The following COX11 variants were observed in gnomAD, a reference collection of about 807,000 sequenced individuals.
The protein encoded by COX11 is cytochrome c oxidase assembly protein COX11, mitochondrial.
In COX11, 18 loss-of-function variants were observed where a neutral mutation model predicts 29.4. The ratio of observed to expected loss-of-function variants is 0.61; its 90% confidence interval spans 0.42 to 0.91. The LOEUF (loss-of-function observed/expected upper bound fraction) is 0.91, where lower values mean the gene tolerates loss of function less well. Ranked by LOEUF, COX11 falls within the 40% of genes least tolerant of loss-of-function variation. COX11 has a pLI of 0.00. For synonymous variants in COX11, 131 were observed against 124.0 expected, an observed-to-expected ratio of 1.06 and a Z score of -0.38; for missense variants, 312 against 346.0, an observed-to-expected ratio of 0.90 and a Z score of 0.78.
rs2077098843 is a variant in COX11, at chr17:54,960,699, T to C, written c.*2034A>G. Reference sequence around the variant, plus strand: ...TCAGTATAATTATCACTTTACATATTTAGTATTTAAATTTTCTAAGGGCCA... The same window carrying C: ...TCAGTATAATTATCACTTTACATATCTAGTATTTAAATTTTCTAAGGGCCA... On this transcript the variant is annotated 3_prime_UTR_variant, in exon 4 of 4. Transcript: ENST00000299335. 2.4e-6 allele frequency: 3 copies of C among 1,229,282 alleles called. No individual in the cohort carries two copies. Among genetic ancestry groups the C allele is most frequent in the Admixed American group, 1.8e-5 (1 of 56,964 alleles). 76.1% of individuals were successfully genotyped at this position (1,229,282 alleles called of 1,614,324 possible). A position where few individuals can be genotyped will look rare whatever the true frequency, so the allele number is the denominator to read the frequency against.
Position 54,964,818 on chromosome 17 carries a change from T to G in COX11, c.401A>C (p.His134Pro). The change falls in exon 2 of 4, where the codon CAT becomes CCT. Residue 134 changes from histidine (H) to proline (P), a missense_variant. His to Pro is a moderately conservative substitution (Grantham distance 77, BLOSUM62 -2). This residue lies in a region of COX11 where 182 missense variants were observed against 240.0 expected (regional missense o/e 0.76). Transcript: ENST00000299335. Reference sequence around the variant, plus strand: ...CATGTTTTCAATCTTGTCTGAGGCATGACCTGCAACTGCTGATCCTCCAAG... The same window carrying G: ...CATGTTTTCAATCTTGTCTGAGGCAGGACCTGCAACTGCTGATCCTCCAAG... ...TGLGGSAVAG[H>P]ASDKIENMVP... The G allele has an allele frequency of 6.2e-7, 1 of 1,613,316 alleles. No homozygotes were observed. The highest frequency in any genetic ancestry group is 8.5e-7 in the Non-Finnish European group (1 of 1,179,972).
chr17:54,967,277 T>C (rs2077251278), intron 1 of COX11, among the ~76,000 whole-genome samples: 1 of 152,170 alleles, frequency 6.6e-6, no homozygotes, highest in South Asian at 2.1e-4. Context: ...ACAATGAATT[T>C]TGGGAGCCAC....
At chr17:54,964,112 TCA>T (rs1388240210) in intron 2 of COX11, among the ~76,000 whole-genome samples, 1 of 152,256 alleles carries the variant, frequency 6.6e-6, no homozygotes, top group Non-Finnish European at 1.5e-5. Context: ...TGAAATTAAC[TCA>T]CTCTGGCTAA....
chr17:54,960,666 A>G lies in COX11; in HGVS notation c.*2067T>C. On this transcript the variant is annotated 3_prime_UTR_variant, in exon 4 of 4. Coordinates refer to ENST00000299335, the MANE Select transcript of COX11 (RefSeq NM_004375.5). ...CTTATACAACTTAATTCCATATTCC[A>G]TATAATTTCAGTATAATTATCACTT... The G allele has an allele frequency of 7.0e-7, 1 of 1,436,950 alleles. No homozygotes were observed. The highest frequency in any genetic ancestry group is 1.1e-5 in the South Asian group (1 of 87,226). 89.0% of individuals were successfully genotyped at this position (1,436,950 alleles called of 1,614,324 possible). A position where few individuals can be genotyped will look rare whatever the true frequency, so the allele number is the denominator to read the frequency against.
At chr17:54,968,719 C>T, upstream of COX11, 1 of 1,520,470 alleles carries the variant, frequency 6.6e-7, no homozygotes, top group Non-Finnish European at 8.8e-7. Flanking sequence ...CTCCGTCTCG[C>T]GAGATCTGGG....
In COX11 at chr17:54,964,729, A is replaced by T; in HGVS notation, c.490T>A (p.Trp164Arg). The change falls in exon 2 of 4, where the codon TGG becomes AGG. Residue 164 changes from tryptophan to arginine, a missense_variant. Physicochemically the swap from Trp to Arg is moderately radical, Grantham distance 101. Around this residue, in one of 2 missense-constraint regions of COX11, gnomAD observed 182 missense variants for 240.0 expected, o/e 0.76. Transcript: ENST00000299335. ...FNADVHASLQ[W>R]NFRPQQTEIY... ...TCTGTTTGCTGAGGTCTAAAGTTCC[A>T]CTGGAGACTTGCATGCACATCTGCA... The T allele has an allele frequency of 6.2e-7, 1 of 1,614,054 alleles. No homozygotes were observed.
At chr17:54,964,275 TAGA>T (rs1172501051) in intron 2 of COX11, among the ~76,000 whole-genome samples, 1 of 152,186 alleles carries the variant, frequency 6.6e-6, no homozygotes, top group African/African-American at 2.4e-5. Context: ...TGTTTTCTTT[TAGA>T]AGGACAGGGA....
downstream of COX11, chr17:54,958,434 T>C (rs2077007118): frequency 6.6e-6 from 1 of 152,138 alleles, no homozygotes; most frequent in Non-Finnish European, 1.5e-5. Context: ...GAAGCAGTGA[T>C]GAAAACAGGT....
downstream of COX11, among the ~76,000 whole-genome samples, chr17:54,956,469 C>T (rs1294264144): frequency 6.6e-6 from 1 of 152,032 alleles, no homozygotes; most frequent in Non-Finnish European, 1.5e-5. Flanking sequence ...CCACGCCTGG[C>T]TAATTTTTTT....
At chr17:54,963,023 A>C in intron 3 of COX11, 108 bp from the exon 4 acceptor site, 1 of 966,144 alleles carries the variant, frequency 1.0e-6, no homozygotes, top group Admixed American at 2.7e-5. Flanking sequence ...GATTTTAATA[A>C]GCATACTATT....
chr17:54,961,337 G>A lies in COX11; in HGVS notation c.*1396C>T, dbSNP rs1211401496. On this transcript the variant is annotated 3_prime_UTR_variant, in exon 4 of 4. Transcript: ENST00000299335. ...CCTGGAAGACAATACCTACCAACATGTCAAAGCCATGGTGGCACATTTCTG... is the reference window on the plus strand; with the variant it reads ...CCTGGAAGACAATACCTACCAACATATCAAAGCCATGGTGGCACATTTCTG... The A allele has an allele frequency of 6.4e-7, 1 of 1,551,312 alleles. No individual in the cohort carries two copies. Among genetic ancestry groups the A allele is most frequent in the Non-Finnish European group, 8.7e-7 (1 of 1,146,864 alleles).
intron 1 of COX11, among the ~76,000 whole-genome samples, chr17:54,967,843 C>A (rs139113610): frequency 6.6e-6 from 1 of 152,182 alleles, no homozygotes; most frequent in African/African-American, 2.4e-5. Context: ...CAGTTTAAGC[C>A]CAAGAAACAC....
At chr17:54,965,003 ATC>A in intron 1 of COX11, 151 bp from the exon 2 acceptor site, 1 of 721,608 alleles carries the variant, frequency 1.4e-6, no homozygotes, top group Non-Finnish European at 2.2e-6. Flanking sequence ...TGTGTCAAGA[ATC>A]TGACTACTTT....
intron 1 of COX11, among the ~76,000 whole-genome samples, chr17:54,967,205 G>C (rs2077248343): frequency 6.6e-6 from 1 of 152,172 alleles, no homozygotes; most frequent in Non-Finnish European, 1.5e-5. Context: ...GTGGCCTTGT[G>C]ATAAAATGGG....
At chr17:54,967,705 C>T (rs1163236410) in intron 1 of COX11, among the ~76,000 whole-genome samples, 1 of 151,692 alleles carries the variant, frequency 6.6e-6, no homozygotes, top group Non-Finnish European at 1.5e-5. Flanking sequence ...CGCCACACTC[C>T]CAGAACCGTT....
Position 54,962,466 on chromosome 17 carries a change from T to C in COX11, c.*267A>G. On this transcript the variant is annotated 3_prime_UTR_variant, in exon 4 of 4. Coordinates refer to ENST00000299335, the MANE Select transcript of COX11 (RefSeq NM_004375.5). ...TAAGCTGAACCCATGCCTGCATATTTAAAAAACAAAGCGGCTTATTTTAAT... is the reference window on the plus strand; with the variant it reads ...TAAGCTGAACCCATGCCTGCATATTCAAAAAACAAAGCGGCTTATTTTAAT... 5.6e-6 allele frequency: 6 copies of C among 1,068,300 alleles called. No individual in the cohort carries two copies. The highest frequency in any genetic ancestry group is 6.8e-6 in the Non-Finnish European group (6 of 885,324). 66.2% of individuals were successfully genotyped at this position (1,068,300 alleles called of 1,614,324 possible).
At chr17:54,965,204 G>A (rs576658072) in intron 1 of COX11, among the ~76,000 whole-genome samples, 4 of 152,236 alleles carry the variant, frequency 2.6e-5, no homozygotes, top group East Asian at 3.9e-4. Context: ...TTTATTGCTA[G>A]TATTTCATTA....
At chr17:54,966,574 C>A (rs2077219753) in intron 1 of COX11, among the ~76,000 whole-genome samples, 1 of 152,100 alleles carries the variant, frequency 6.6e-6, no homozygotes, top group African/African-American at 2.4e-5. Context: ...CACCCTATAC[C>A]CCCACCTCCA....
upstream of COX11, chr17:54,968,672 C>T (rs766604582): frequency 4.4e-6 from 7 of 1,590,006 alleles, no homozygotes; most frequent in East Asian, 1.6e-4. Context: ...CACCCACCCG[C>T]CTCTCAGGGA....
Sources: gnomAD v4.1 joint callset for allele counts (sites outside exome capture counted in the v4.1 genomes callset) on GRCh38, gnomAD v4.1.1 for gene constraint, gnomAD v4.1.1 regional missense constraint, MANE v1.5 for transcripts, NCBI Gene and HGNC (gene_info 2026-07-23, HGNC 2026-07-21) for gene names.